ASTN2: variants seen among roughly 807,000 people sequenced by gnomAD.
The protein encoded by ASTN2 is astrotactin-2.
ASTN2 carries 54 observed loss-of-function variants against 139.8 expected under a neutral mutation model. That is an observed-to-expected ratio of 0.39 (90% CI 0.31 to 0.48). The LOEUF is 0.48. Ranked by LOEUF, ASTN2 falls within the 20% of genes least tolerant of loss-of-function variation. The pLI, the probability that ASTN2 is intolerant of heterozygous loss-of-function variation, is 0.95. For synonymous variants in ASTN2, 756 were observed against 719.5 expected (o/e 1.05, Z -0.81); for missense variants, 1,565 against 1,725.1 (o/e 0.91, Z 1.64).
At chr9:117,238,305 G>T (rs74947465) in intron 2 of ASTN2, among the ~76,000 whole-genome samples, 1 of 152,060 alleles carries the variant, frequency 6.6e-6, no homozygotes, top group African/African-American at 2.4e-5. Context: ...CACTCAATGG[G>T]GATAGTGAGA....
At position 116,527,533 on chromosome 9, in the gene ASTN2, A is replaced by G. The variant is rs2119268254; in HGVS notation, c.3356-40033T>C. ...AAAAAGATGAAAAGTAAATGTTGGC[A>G]AAGGTGTGGAGAAAGAAAACTTGTA... On this transcript the variant is annotated intron_variant, in intron 19 of 22. Coordinates refer to ENST00000313400, the MANE Select transcript of ASTN2 (RefSeq NM_001365068.1). Among the ~76,000 whole-genome samples the G allele has an allele frequency of 1.3e-5, 2 of 152,358 alleles. 1 individual carries two copies. Among genetic ancestry groups the G allele is most frequent in the Middle Eastern group, 6.8e-3 (2 of 294 alleles).
chr9:116,704,718 G>C (rs1827946031), intron 16 of ASTN2, among the ~76,000 whole-genome samples: 1 of 152,170 alleles, frequency 6.6e-6, no homozygotes, highest in Non-Finnish European at 1.5e-5. Flanking sequence ...TGGAGGAAGA[G>C]TGGGATTGCT....
chr9:116,626,154 GTTTTTTTT>G (rs751026997), intron 17 of ASTN2, among the ~76,000 whole-genome samples: 3 of 34,438 alleles, frequency 8.7e-5, no homozygotes, highest in Non-Finnish European at 1.7e-4. Context: ...TAGTTTTTGT[GTTTTTTTT>G]TTTTTTTTTT....
intron 19 of ASTN2, among the ~76,000 whole-genome samples, chr9:116,610,581 C>T (rs7847903): frequency 0.21 from 31,556 of 151,658 alleles, 4,132 homozygotes; most frequent in Admixed American, 0.37. Flanking sequence ...CCAGCCTAGA[C>T]GACAAAAGCG....
At chr9:117,286,824 T>A (rs1834462121) in intron 2 of ASTN2, among the ~76,000 whole-genome samples, 2 of 152,206 alleles carry the variant, frequency 1.3e-5, no homozygotes, top group Non-Finnish European at 2.9e-5. Flanking sequence ...ATAACAGACA[T>A]GATAACCCTC....
At chr9:117,183,948 C>T (rs1831135752) in intron 3 of ASTN2, among the ~76,000 whole-genome samples, 1 of 152,180 alleles carries the variant, frequency 6.6e-6, no homozygotes, top group Non-Finnish European at 1.5e-5. Flanking sequence ...CCAGAAATTG[C>T]TTTCTCCTCT....
intron 20 of ASTN2, among the ~76,000 whole-genome samples, chr9:116,477,855 AAAAAAG>A (rs201788263): frequency 0.34 from 21,460 of 63,298 alleles, 1,568 homozygotes; most frequent in Middle Eastern, 0.37. Flanking sequence ...ATCCCTAATC[AAAAAAG>A]AAAAAAAAAA....
chr9:116,986,305 C>T (rs1190492699), intron 7 of ASTN2, among the ~76,000 whole-genome samples: 2 of 152,144 alleles, frequency 1.3e-5, no homozygotes, highest in African/African-American at 4.8e-5. Flanking sequence ...CCAGATCTTA[C>T]TGCTGCAGAC....
At chr9:116,517,183 A>C (rs572055278) in intron 19 of ASTN2, among the ~76,000 whole-genome samples, 1 of 152,278 alleles carries the variant, frequency 6.6e-6, no homozygotes, top group Admixed American at 6.5e-5. Context: ...TGAAAGTGTC[A>C]CCTCCTGGCT....
intron 2 of ASTN2, among the ~76,000 whole-genome samples, chr9:117,270,784 T>A (rs1408345509): frequency 2.6e-5 from 4 of 152,256 alleles, no homozygotes; most frequent in Admixed American, 2.0e-4. Context: ...TTCTTGAATC[T>A]GCCAAAGCAC....
At chr9:116,920,413 G>A (rs183642513) in intron 10 of ASTN2, among the ~76,000 whole-genome samples, 80 of 152,304 alleles carry the variant, frequency 5.3e-4, no homozygotes, top group African/African-American at 1.8e-3. Context: ...GAGGCCAATG[G>A]AAAGATAGAA....
At chr9:116,887,030 GCA>G (rs773936212) in intron 10 of ASTN2, among the ~76,000 whole-genome samples, 3 of 152,172 alleles carry the variant, frequency 2.0e-5, no homozygotes, top group South Asian at 2.1e-4. Flanking sequence ...GCAGTGATTA[GCA>G]CAGTGTCTGA....
At chr9:117,369,368 G>C (rs1251250401) in intron 1 of ASTN2, among the ~76,000 whole-genome samples, 3 of 151,490 alleles carry the variant, frequency 2.0e-5, no homozygotes, top group African/African-American at 7.3e-5. Context: ...TGCTTTTCAG[G>C]GGCCAGGCAC....
chr9:116,786,127 C>T (rs1321185348), intron 13 of ASTN2, among the ~76,000 whole-genome samples: 4 of 152,144 alleles, frequency 2.6e-5, no homozygotes, highest in Admixed American at 6.5e-5. Context: ...TCTTTGAACT[C>T]GGTGTGCCTT....
At position 116,922,479 on chromosome 9, in the gene ASTN2, C is replaced by T. The variant is rs10117545; in HGVS notation, c.1889+52729G>A. Among the ~76,000 whole-genome samples, 1,187 of 152,190 alleles carry T rather than the reference C, an allele frequency of 7.8e-3. 12 individuals carry two copies. The highest frequency in any genetic ancestry group is 0.022 in the African/African-American group (934 of 41,512). On this transcript the variant is annotated intron_variant, in intron 10 of 22. Coordinates refer to ENST00000313400, the MANE Select transcript of ASTN2 (RefSeq NM_001365068.1). ...TATTTTTACACTTTAACATATAATT[C>T]CATTTGAAAATACTTAAAAATACTA...
intron 14 of ASTN2, among the ~76,000 whole-genome samples, chr9:116,732,346 T>G (rs1253539252): frequency 6.6e-6 from 1 of 152,192 alleles, no homozygotes; most frequent in Non-Finnish European, 1.5e-5. Flanking sequence ...GGTTCTCTCC[T>G]CCATCTATGC....
intron 11 of ASTN2, among the ~76,000 whole-genome samples, chr9:116,822,835 T>C (rs1831527291): frequency 6.6e-6 from 1 of 152,174 alleles, no homozygotes; most frequent in African/African-American, 2.4e-5. Flanking sequence ...CTTTCTATGG[T>C]AAAGGTTATG....
At chr9:117,180,140 C>T (rs894572008) in intron 3 of ASTN2, among the ~76,000 whole-genome samples, 3 of 152,176 alleles carry the variant, frequency 2.0e-5, no homozygotes, top group East Asian at 3.9e-4. Flanking sequence ...GATCTCTCTG[C>T]CTTTTTTCTG....
intron 5 of ASTN2, among the ~76,000 whole-genome samples, chr9:117,053,879 T>C (rs1346195110): frequency 6.6e-6 from 1 of 152,228 alleles, no homozygotes; most frequent in African/African-American, 2.4e-5. Context: ...AGGGGTCTTT[T>C]GTTTTTATTT....
Sources: allele counts gnomAD v4.1 joint callset (sites outside exome capture counted in the v4.1 genomes callset), GRCh38; gene constraint gnomAD v4.1.1; transcripts MANE v1.5; gene names NCBI Gene and HGNC (gene_info 2026-07-23, HGNC 2026-07-21).